SMC2: variants seen among roughly 807,000 people sequenced by gnomAD.
SMC2 encodes structural maintenance of chromosomes protein 2.
SMC2 carries 41 observed loss-of-function variants against 142.6 expected under a neutral mutation model. The observed-to-expected ratio is 0.29, with a 90% CI of 0.22 to 0.37. The LOEUF is 0.37. SMC2 is among the 10% of genes least tolerant of loss of function. SMC2 has a pLI of 1.00. For synonymous variants in SMC2, 463 were observed against 457.5 expected (o/e 1.01, Z -0.15); for missense variants, 1,265 against 1,373.7 (o/e 0.92, Z 1.25).
intron 4 of SMC2, among the ~76,000 whole-genome samples, chr9:104,099,334 C>T (rs1487635434): frequency 6.6e-6 from 1 of 151,942 alleles, no homozygotes; most frequent in African/African-American, 2.4e-5. Flanking sequence ...TTTATATTTA[C>T]CTGTTTTAAA....
At chr9:104,131,615 T>G (rs1834976797) in intron 21 of SMC2, among the ~76,000 whole-genome samples, 1 of 151,848 alleles carries the variant, frequency 6.6e-6, no homozygotes, top group Non-Finnish European at 1.5e-5. Context: ...GAGGAGAGCT[T>G]TCAGGGCTCC....
At chr9:104,133,195 T>C (rs982241161) in intron 22 of SMC2, among the ~76,000 whole-genome samples, 1 of 152,150 alleles carries the variant, frequency 6.6e-6, no homozygotes, top group African/African-American at 2.4e-5. Context: ...CATCTTTATA[T>C]CGATCTATGA....
intron 16 of SMC2, among the ~76,000 whole-genome samples, chr9:104,120,442 T>A (rs1372046680): frequency 6.6e-6 from 1 of 152,182 alleles, no homozygotes; most frequent in African/African-American, 2.4e-5. Flanking sequence ...AAACTAGCAC[T>A]TGGCTAGGGT....
chr9:104,103,918 CT>C (rs547161465), intron 9 of SMC2, among the ~76,000 whole-genome samples: 116 of 146,078 alleles, frequency 7.9e-4, no homozygotes, highest in Non-Finnish European at 8.2e-4. Flanking sequence ...TCATCAATTA[CT>C]TTTTTTTTTT....
upstream of SMC2, among the ~76,000 whole-genome samples, chr9:104,091,347 A>G (rs1389052228): frequency 6.6e-6 from 1 of 152,222 alleles, no homozygotes; most frequent in Non-Finnish European, 1.5e-5. Flanking sequence ...GTGTTTCTAA[A>G]CAGAAAGGGT....
intron 21 of SMC2, 110 bp downstream of exon 21, chr9:104,129,955 G>C: frequency 1.3e-6 from 1 of 769,566 alleles, no homozygotes; most frequent in Non-Finnish European, 2.1e-6. Context: ...AGATGTCCTT[G>C]ATACTTTTCT....
At chr9:104,106,985 A>G (rs1482341305) in intron 9 of SMC2, among the ~76,000 whole-genome samples, 3 of 152,326 alleles carry the variant, frequency 2.0e-5, no homozygotes, top group Non-Finnish European at 4.4e-5. Flanking sequence ...ATTAGTAGGC[A>G]CATCTCAGAA....
chr9:104,113,640 A>C (rs1832745912), intron 11 of SMC2, among the ~76,000 whole-genome samples, 165 bp downstream of exon 11: 1 of 151,990 alleles, frequency 6.6e-6, no homozygotes, highest in East Asian at 1.9e-4. Flanking sequence ...CCTAATTATA[A>C]AACAACTCTT....
rs747484594 is a variant in SMC2 at position 104,116,305 on chromosome 9, G to A, written c.1777G>A (p.Val593Ile). 1.9e-6 allele frequency: 3 copies of A among 1,605,362 alleles called. No homozygotes were observed. The South Asian group carries it at 3.4e-5, about 18-fold the overall frequency. ...ARCIAPETLR[V>I]AQNLVGPDNV... ...ATGTATTGCACCAGAAACTCTGAGA[G>A]TTGCTCAGAATCTTGTAAGTCTCAT... The change falls in exon 14 of 25, where the codon GTT becomes ATT. Residue 593 changes from valine (V) to isoleucine (I), a missense_variant. Physicochemically the swap from Val to Ile is conservative, Grantham distance 29 (BLOSUM62 3). Coordinates refer to ENST00000374793, the MANE Select transcript of SMC2 (RefSeq NM_006444.3).
intron 3 of SMC2, among the ~76,000 whole-genome samples, chr9:104,096,869 C>G (rs908585190): frequency 1.3e-5 from 2 of 152,186 alleles, no homozygotes; most frequent in Non-Finnish European, 2.9e-5. Context: ...ACCAAGTATG[C>G]TCCAGTTTCC....
intron 13 of SMC2, among the ~76,000 whole-genome samples, chr9:104,115,746 A>ATAGTAT (rs1244231426): frequency 6.0e-5 from 9 of 149,752 alleles, no homozygotes; most frequent in Admixed American, 5.9e-4. Flanking sequence ...TTTTCAGTAT[A>ATAGTAT]TAGTATTAAT....
intron 9 of SMC2, among the ~76,000 whole-genome samples, chr9:104,105,853 C>T (rs1019012570): frequency 6.6e-6 from 1 of 152,144 alleles, no homozygotes; most frequent in East Asian, 1.9e-4. Context: ...TATCATGTTA[C>T]CCGCCATGGC....
intron 21 of SMC2, 28 bp from the exon 22 acceptor site, chr9:104,131,981 C>A: frequency 1.8e-6 from 2 of 1,101,566 alleles, no homozygotes; most frequent in East Asian, 2.4e-5. Flanking sequence ...TTATATTTTC[C>A]CAGTTAACCA....
At position 104,113,421 on chromosome 9, in the gene SMC2, G is replaced by A. The variant is rs764293352; in HGVS notation, c.1360G>A (p.Val454Ile). The change falls in exon 11 of 25, where the codon GTA becomes ATA. Residue 454 changes from valine to isoleucine, a missense_variant. This residue lies in a region of SMC2 where 898 missense variants were observed against 904.2 expected (regional missense o/e 0.99). Coordinates refer to ENST00000374793, the MANE Select transcript of SMC2 (RefSeq NM_006444.3). ...GAAGGATCAAGAAGCTCTAGAAGCT[G>A]TAAAAAGACTTAAAGAAAAACTTGA... ...YRKDQEALEA[V>I]KRLKEKLEAE... 15 of 1,606,816 alleles carry A rather than the reference G, an allele frequency of 9.3e-6. No individual in the cohort carries two copies. The East Asian group carries it at 1.3e-4, about 14-fold the overall frequency.
intron 9 of SMC2, 58 bp from the exon 10 acceptor site, chr9:104,111,523 A>G: frequency 1.8e-6 from 2 of 1,098,358 alleles, no homozygotes; most frequent in Non-Finnish European, 2.7e-6. Flanking sequence ...TATGCGTATA[A>G]GAAAGTGGGT....
chr9:104,114,051 C>G lies in SMC2; in HGVS notation c.1502C>G (p.Ala501Gly), dbSNP rs1183748760. The stretch of plus-strand genomic sequence containing the variant: ...AAAGAAACATATGAAGCTCTATTAG[C>G]CAGATTTCCCAATCTTCGATTTGCA... ...RLKETYEALL[A>G]RFPNLRFAYK... The change falls in exon 12 of 25, where the codon GCC (alanine) becomes GGC (glycine). Residue 501 changes from alanine to glycine, a missense_variant. Ala to Gly is a moderately conservative substitution (Grantham distance 60). This residue lies in a region of SMC2 where 898 missense variants were observed against 904.2 expected (regional missense o/e 0.99). Coordinates refer to ENST00000374793, the MANE Select transcript of SMC2 (RefSeq NM_006444.3). The G allele has an allele frequency of 6.3e-7, 1 of 1,586,882 alleles. No individual in the cohort carries two copies. Among genetic ancestry groups the G allele is most frequent in the East Asian group, 2.3e-5 (1 of 43,710 alleles).
chr9:104,097,159 G>A (rs1194819186), intron 3 of SMC2, among the ~76,000 whole-genome samples: 5 of 127,690 alleles, frequency 3.9e-5, no homozygotes, highest in South Asian at 2.4e-4. Flanking sequence ...ACGGAGTCTC[G>A]CTCTGTTACC....
Position 104,111,675 on chromosome 9 carries a change from C to G in SMC2, c.1115C>G (p.Ala372Gly). 6.2e-7 allele frequency: 1 copy of G among 1,613,972 alleles called. No individual in the cohort carries two copies. Among genetic ancestry groups the G allele is most frequent in the South Asian group, 1.1e-5 (1 of 91,084 alleles). The change falls in exon 10 of 25, where the codon GCT becomes GGT. Residue 372 changes from alanine (A) to glycine (G), a missense_variant. Physicochemically the swap from Ala to Gly is moderately conservative, Grantham distance 60 (BLOSUM62 0). This residue lies in a region of SMC2 where 898 missense variants were observed against 904.2 expected (regional missense o/e 0.99). Transcript: ENST00000374793. The stretch of plus-strand genomic sequence containing the variant: ...GAAGCAAGTAATAAAGATGCTGAAG[C>G]TCTGGCAGCTGCACAGCAGCACTTC... Reference protein sequence around the residue: ...LQEASNKDAEALAAAQQHFNA... With the variant: ...LQEASNKDAEGLAAAQQHFNA...
chr9:104,095,606 A>C, intron 2 of SMC2, 54 bp downstream of exon 2: 1 of 1,450,230 alleles, frequency 6.9e-7, no homozygotes, highest in South Asian at 1.2e-5. Context: ...GAGAATCCTC[A>C]CTGAACTTTG....
Sources: gnomAD v4.1 joint callset for allele counts (sites outside exome capture counted in the v4.1 genomes callset) on GRCh38, gnomAD v4.1.1 for gene constraint, gnomAD v4.1.1 regional missense constraint, MANE v1.5 for transcripts, NCBI Gene and HGNC (gene_info 2026-07-23, HGNC 2026-07-21) for gene names.